Variants in ARHGAP42 observed in about 807,000 individuals in gnomAD.
The protein encoded by ARHGAP42 is Rho GTPase activating protein 42, also known as rho GTPase-activating protein 42.
In ARHGAP42, 63 loss-of-function variants were observed where a neutral mutation model predicts 125.0. That is an observed-to-expected ratio of 0.50 (90% CI 0.41 to 0.62). ARHGAP42 has a LOEUF of 0.62. Ranked by LOEUF, ARHGAP42 falls within the 20% of genes least tolerant of loss-of-function variation. The pLI is 0.00. For missense variants in ARHGAP42, 766 were observed against 1,024.2 expected (o/e 0.75, Z 3.44); for synonymous variants, 339 against 351.0 (o/e 0.97, Z 0.38).
chr11:100,921,427 C>A, intron 5 of ARHGAP42, 67 bp from the exon 6 acceptor site: 2 of 1,142,902 alleles, frequency 1.7e-6, no homozygotes, highest in Non-Finnish European at 2.5e-6. Context: ...ATAAAGATAC[C>A]AGAGCAGGAA....
chr11:100,721,479 C>CTTTTCT (rs1861757005), intron 1 of ARHGAP42, among the ~76,000 whole-genome samples: 1 of 147,736 alleles, frequency 6.8e-6, no homozygotes, highest in Non-Finnish European at 1.5e-5. Flanking sequence ...CTTTTCTTTT[C>CTTTTCT]TTTTTTTTTT....
chr11:100,914,662 C>T (rs1282158168), intron 5 of ARHGAP42, among the ~76,000 whole-genome samples: 2 of 152,124 alleles, frequency 1.3e-5, no homozygotes, highest in African/African-American at 2.4e-5. Flanking sequence ...GATCGGGAAC[C>T]GTGAGGTCTC....
At chr11:100,756,098 G>A (rs557961409) in intron 1 of ARHGAP42, among the ~76,000 whole-genome samples, 114 of 151,720 alleles carry the variant, frequency 7.5e-4, no homozygotes, top group Middle Eastern at 3.5e-3. Flanking sequence ...ACAATATATC[G>A]TCTTTGGCCA....
intron 13 of ARHGAP42, among the ~76,000 whole-genome samples, 178 bp downstream of exon 13, chr11:100,960,123 A>G (rs1857915633): frequency 6.6e-6 from 1 of 152,156 alleles, no homozygotes. Flanking sequence ...TCAGTTTACT[A>G]AAAATCATGC....
intron 3 of ARHGAP42, among the ~76,000 whole-genome samples, chr11:100,824,298 G>T (rs1301602827): frequency 6.6e-6 from 1 of 152,126 alleles, no homozygotes; most frequent in Non-Finnish European, 1.5e-5. Context: ...TCTTGGCCTT[G>T]TTTTTAAGTT....
intron 2 of ARHGAP42, among the ~76,000 whole-genome samples, chr11:100,779,528 GCGTATATATA>G (rs1863230232): frequency 1.2e-5 from 1 of 86,278 alleles, no homozygotes; most frequent in Non-Finnish European, 2.3e-5. Flanking sequence ...ACGTATACAT[GCGTATATATA>G]CGTATATATA....
At chr11:100,789,742 T>C (rs758472046) in intron 2 of ARHGAP42, among the ~76,000 whole-genome samples, 2 of 152,224 alleles carry the variant, frequency 1.3e-5, no homozygotes, top group Non-Finnish European at 2.9e-5. Flanking sequence ...AGTGCAGCCA[T>C]CTCCCTTACA....
intron 1 of ARHGAP42, among the ~76,000 whole-genome samples, chr11:100,753,962 G>T (rs1247865187): frequency 1.3e-5 from 2 of 152,118 alleles, no homozygotes; most frequent in Non-Finnish European, 2.9e-5. Flanking sequence ...TTGCTCCATG[G>T]AAAAAAGTGA....
At chr11:100,893,095 A>G (rs767236558) in intron 4 of ARHGAP42, among the ~76,000 whole-genome samples, 1 of 151,786 alleles carries the variant, frequency 6.6e-6, no homozygotes, top group Non-Finnish European at 1.5e-5. Flanking sequence ...TGTCATTTCC[A>G]TGGAGAGTTG....
intron 3 of ARHGAP42, among the ~76,000 whole-genome samples, chr11:100,852,615 A>G (rs1450073560): frequency 6.6e-6 from 1 of 152,168 alleles, no homozygotes; most frequent in African/African-American, 2.4e-5. Flanking sequence ...AGGGGTTAGA[A>G]CATGTAAAAA....
intron 3 of ARHGAP42, among the ~76,000 whole-genome samples, chr11:100,852,011 G>A (rs1427173152): frequency 6.6e-6 from 1 of 152,158 alleles, no homozygotes; most frequent in African/African-American, 2.4e-5. Context: ...CTATGAGCCT[G>A]CTTTAACACA....
At chr11:100,702,136 A>G (rs1861408418) in intron 1 of ARHGAP42, among the ~76,000 whole-genome samples, 1 of 152,136 alleles carries the variant, frequency 6.6e-6, no homozygotes, top group African/African-American at 2.4e-5. Context: ...AAATAATAAT[A>G]TAATGAATAA....
intron 1 of ARHGAP42, among the ~76,000 whole-genome samples, chr11:100,761,697 G>A (rs1298699818): frequency 2.6e-5 from 4 of 152,158 alleles, no homozygotes; most frequent in Non-Finnish European, 4.4e-5. Flanking sequence ...TATTTTCACT[G>A]AAGCTCTCTT....
chr11:100,974,392 C>A, intron 18 of ARHGAP42, 67 bp from the exon 19 acceptor site: 2 of 1,452,612 alleles, frequency 1.4e-6, no homozygotes, highest in Non-Finnish European at 1.9e-6. Context: ...TGGTTCAAAG[C>A]TTATTTTATA....
intron 1 of ARHGAP42, among the ~76,000 whole-genome samples, chr11:100,717,636 CAAAAAA>C (rs60024751): frequency 1.4e-5 from 1 of 69,100 alleles, no homozygotes; most frequent in African/African-American, 5.7e-5. Context: ...GACTCCGTCT[CAAAAAA>C]AAAAAAAAAA....
intron 1 of ARHGAP42, among the ~76,000 whole-genome samples, chr11:100,755,321 C>G (rs1862547319): frequency 6.6e-6 from 1 of 152,140 alleles, no homozygotes; most frequent in Admixed American, 6.5e-5. Context: ...TGGGCTGGGT[C>G]CCTGCACTAC....
intron 1 of ARHGAP42, among the ~76,000 whole-genome samples, chr11:100,765,896 A>G (rs891073417): frequency 2.0e-5 from 3 of 152,230 alleles, no homozygotes; most frequent in Non-Finnish European, 2.9e-5. Context: ...ATAAATATAT[A>G]TAGCCCACTT....
intron 3 of ARHGAP42, among the ~76,000 whole-genome samples, chr11:100,817,733 T>C (rs983850742): frequency 6.6e-6 from 1 of 152,176 alleles, no homozygotes; most frequent in Non-Finnish European, 1.5e-5. Context: ...TCCAATTTTA[T>C]AGATGAAAGA....
intron 2 of ARHGAP42, among the ~76,000 whole-genome samples, chr11:100,793,348 T>C (rs546584): frequency 0.81 from 122,601 of 152,030 alleles, 49,523 homozygotes; most frequent in Middle Eastern, 0.85. Context: ...GTTGTCAAAA[T>C]GGGAATGTAT....
Sources: allele counts gnomAD v4.1 joint callset (sites outside exome capture counted in the v4.1 genomes callset), GRCh38; gene constraint gnomAD v4.1.1; transcripts MANE v1.5; gene names NCBI Gene and HGNC (gene_info 2026-07-23, HGNC 2026-07-21).